The following ARK2C variants were observed in gnomAD, a reference collection of about 807,000 sequenced individuals.
The protein encoded by ARK2C is E3 ubiquitin-protein ligase ARK2C.
chr18:46,399,549 G>A, the ARK2C span, among the ~76,000 whole-genome samples: 3 of 152,216 alleles, frequency 2.0e-5, no homozygotes, highest in Non-Finnish European at 4.4e-5. Context: ...GCCAGGGCAG[G>A]ATGAGTGGAC....
the ARK2C span, among the ~76,000 whole-genome samples, chr18:46,352,385 C>T: frequency 2.6e-4 from 39 of 152,324 alleles, no homozygotes; most frequent in Non-Finnish European, 5.1e-4. Flanking sequence ...TGGACCAGAG[C>T]TCCCAAATCT....
At chr18:46,451,191 C>A in the ARK2C span, among the ~76,000 whole-genome samples, 7 of 152,156 alleles carry the variant, frequency 4.6e-5, no homozygotes, top group African/African-American at 1.7e-4. Context: ...TGTCCAATCT[C>A]ACATGTGAAC....
At chr18:46,435,757 G>A in the ARK2C span, among the ~76,000 whole-genome samples, 2 of 152,310 alleles carry the variant, frequency 1.3e-5, no homozygotes, top group East Asian at 3.9e-4. Flanking sequence ...GAGGAACTGG[G>A]TTGTCAGGAA....
chr18:46,347,134 G>A, the ARK2C span, among the ~76,000 whole-genome samples: 11 of 152,306 alleles, frequency 7.2e-5, no homozygotes, highest in South Asian at 1.7e-3. Context: ...GCTGTTCCCC[G>A]AGGAGGAAGA....
chr18:46,457,230 G>C, the ARK2C span: 1 of 152,302 alleles, frequency 6.6e-6, no homozygotes, highest in Non-Finnish European at 1.5e-5. Context: ...AAAGGAAAAA[G>C]GAATCAAAGG....
At chr18:46,388,784 G>T in the ARK2C span, among the ~76,000 whole-genome samples, 1 of 152,136 alleles carries the variant, frequency 6.6e-6, no homozygotes, top group African/African-American at 2.4e-5. Context: ...CCCGAGTGAG[G>T]GGTAAACGTA....
the ARK2C span, chr18:46,334,873 C>T: frequency 5.8e-6 from 1 of 171,970 alleles, no homozygotes; most frequent in Non-Finnish European, 1.2e-5. This position sits in a 1 kb window ranked among gnomAD's most constrained non-coding sequence, Gnocchi z 4.4. Flanking sequence ...TCTGCCCTAT[C>T]CCATGCCCCA....
chr18:46,419,762 G>C, the ARK2C span, among the ~76,000 whole-genome samples: 2 of 152,168 alleles, frequency 1.3e-5, no homozygotes, highest in Non-Finnish European at 2.9e-5. Context: ...ACAGGCCTCT[G>C]CTGCTTGTTA....
chr18:46,435,680 C>T, the ARK2C span, among the ~76,000 whole-genome samples: 96,573 of 151,974 alleles, frequency 0.64, 31,390 homozygotes, highest in Middle Eastern at 0.71. Context: ...GGATAGAAAA[C>T]ATTTCCCAGG....
chr18:46,437,535 C>T, the ARK2C span, among the ~76,000 whole-genome samples: 1 of 152,172 alleles, frequency 6.6e-6, no homozygotes, highest in Admixed American at 6.5e-5. Context: ...AACTGGGCTG[C>T]AAGCCCATGT....
At chr18:46,418,943 T>G in the ARK2C span, among the ~76,000 whole-genome samples, 7 of 152,250 alleles carry the variant, frequency 4.6e-5, no homozygotes, top group Admixed American at 1.3e-4. Context: ...GTTAATGTGT[T>G]GCCCTCTTTT....
At chr18:46,362,500 C>A in the ARK2C span, among the ~76,000 whole-genome samples, 6 of 152,326 alleles carry the variant, frequency 3.9e-5, 1 homozygote, top group African/African-American at 1.4e-4. Flanking sequence ...ATCCTGGAAG[C>A]CCTCTCTGTC....
At chr18:46,420,429 T>G in the ARK2C span, among the ~76,000 whole-genome samples, 1 of 152,188 alleles carries the variant, frequency 6.6e-6, no homozygotes, top group Non-Finnish European at 1.5e-5. Flanking sequence ...GCATACTGTG[T>G]GTTCTGCACA....
At chr18:46,397,344 T>A in the ARK2C span, among the ~76,000 whole-genome samples, 1 of 152,146 alleles carries the variant, frequency 6.6e-6, no homozygotes, top group Admixed American at 6.6e-5. Context: ...AGAGATTATA[T>A]CAGTCACTAG....
the ARK2C span, among the ~76,000 whole-genome samples, chr18:46,370,276 T>G: frequency 6.6e-6 from 1 of 152,252 alleles, no homozygotes. Flanking sequence ...AACATCGTTA[T>G]TCCCATTTTA....
At chr18:46,341,787 A>T in the ARK2C span, among the ~76,000 whole-genome samples, 1 of 152,192 alleles carries the variant, frequency 6.6e-6, no homozygotes, top group East Asian at 1.9e-4. Flanking sequence ...TTACAATATG[A>T]ACTCCTCCCG....
the ARK2C span, among the ~76,000 whole-genome samples, chr18:46,366,976 T>C: frequency 6.6e-6 from 1 of 152,214 alleles, no homozygotes; most frequent in Admixed American, 6.5e-5. Context: ...CCCGTTGGAC[T>C]TCTGAGATTC....
At chr18:46,422,741 G>C in the ARK2C span, among the ~76,000 whole-genome samples, 1 of 152,188 alleles carries the variant, frequency 6.6e-6, no homozygotes, top group African/African-American at 2.4e-5. Flanking sequence ...AAGGGCCCTG[G>C]AAGTACTCCA....
chr18:46,455,177 T>C, the ARK2C span, among the ~76,000 whole-genome samples: 1 of 152,212 alleles, frequency 6.6e-6, no homozygotes, highest in African/African-American at 2.4e-5. Context: ...ATAAATAGTT[T>C]ATAACAATGG....
Sources: allele counts gnomAD v4.1 joint callset (sites outside exome capture counted in the v4.1 genomes callset), GRCh38; gene constraint gnomAD v4.1.1; non-coding constraint Gnocchi (gnomAD v3.1); transcripts MANE v1.5; gene names NCBI Gene and HGNC (gene_info 2026-07-23, HGNC 2026-07-21).